The following NRCAM variants were observed in gnomAD, a reference collection of about 807,000 sequenced individuals.
NRCAM encodes the protein neuronal cell adhesion molecule.
NRCAM carries 83 observed loss-of-function variants against 156.5 expected under a neutral mutation model. The ratio of observed to expected loss-of-function variants is 0.53; its 90% CI spans 0.44 to 0.64. The LOEUF (loss-of-function observed/expected upper bound fraction) is 0.64. NRCAM is among the 30% of genes least tolerant of loss of function. The pLI is 0.00. For missense variants in NRCAM, 1,417 were observed against 1,597.3 expected (o/e 0.89, Z 1.92); for synonymous variants, 538 against 563.9 (o/e 0.95, Z 0.65).
intron 3 of NRCAM, among the ~76,000 whole-genome samples, chr7:108,275,993 C>T (rs532379790): frequency 1.8e-4 from 28 of 152,066 alleles, no homozygotes; most frequent in African/African-American, 6.3e-4. Context: ...CGTAATTTAC[C>T]CAGTAGTCAT....
chr7:108,155,654 T>C (rs546664478), intron 32 of NRCAM, among the ~76,000 whole-genome samples: 27 of 152,146 alleles, frequency 1.8e-4, no homozygotes, highest in South Asian at 8.3e-4. Flanking sequence ...CATCCATCAC[T>C]AGGCTATAAA....
chr7:108,370,751 A>G (rs2099623170), intron 2 of NRCAM, among the ~76,000 whole-genome samples: 1 of 152,168 alleles, frequency 6.6e-6, no homozygotes, highest in African/African-American at 2.4e-5. Context: ...TATACAAGTT[A>G]AAGCTTCAAG....
intron 3 of NRCAM, among the ~76,000 whole-genome samples, chr7:108,278,875 GTT>G (rs1210543164): frequency 7.9e-5 from 12 of 151,954 alleles, no homozygotes; most frequent in Non-Finnish European, 1.5e-5. Flanking sequence ...GACCAGATCT[GTT>G]CCTATTCGGC....
chr7:108,174,771 G>A (rs2059850706), intron 28 of NRCAM, among the ~76,000 whole-genome samples: 1 of 152,226 alleles, frequency 6.6e-6, no homozygotes, highest in African/African-American at 2.4e-5. Flanking sequence ...GGGTCACCTG[G>A]AAGACTCACT....
intron 17 of NRCAM, among the ~76,000 whole-genome samples, chr7:108,192,459 T>C (rs1192770349): frequency 6.6e-6 from 1 of 152,104 alleles, no homozygotes; most frequent in Non-Finnish European, 1.5e-5. Context: ...GTAATGTGCT[T>C]GAATCATCCT....
At position 108,207,630 on chromosome 7, in the gene NRCAM, T is replaced by C; in HGVS notation, c.1105A>G (p.Asn369Asp). The change falls in exon 13 of 33, where the codon AAT (asparagine) becomes GAT (aspartate). Residue 369 changes from asparagine (N) to aspartate (D), a missense_variant. Asn to Asp is a conservative substitution (Grantham distance 23, BLOSUM62 1). Coordinates refer to ENST00000379028, the MANE Select transcript of NRCAM (RefSeq NM_001037132.4). ...AAPYWITAPQ[N>D]LVLSPGEDGT... ...TCCTCTCCTGGGGACAGCACAAGAT[T>C]TTGAGGGGCTGTGATCCAGTATGGA... 1 of 1,613,544 alleles carries C rather than the reference T, an allele frequency of 6.2e-7. No homozygotes were observed. The highest frequency in any genetic ancestry group is 8.5e-7 in the Non-Finnish European group (1 of 1,179,716).
At chr7:108,183,724 A>G (rs2064957934) in intron 22 of NRCAM, among the ~76,000 whole-genome samples, 1 of 152,030 alleles carries the variant, frequency 6.6e-6, no homozygotes, top group Non-Finnish European at 1.5e-5. Flanking sequence ...TTTAGTAGAG[A>G]CGGGGTTTCA....
In NRCAM at chr7:108,415,838, C is replaced by T. The variant is rs552385722; in HGVS notation, c.-331-16245G>A. ...TGGAGGTTGCAGTGAGCTGATATCA[C>T]GCCATTGCGCTCCAGCCTGGGCAGC... On this transcript the variant is annotated intron_variant, in intron 1 of 32. Coordinates refer to ENST00000379028, the MANE Select transcript of NRCAM (RefSeq NM_001037132.4). Among the ~76,000 whole-genome samples the T allele has an allele frequency of 5.9e-5, 9 of 152,310 alleles. No homozygotes were observed. The East Asian group carries it at 1.2e-3, about 20-fold the overall frequency.
intron 1 of NRCAM, among the ~76,000 whole-genome samples, chr7:108,413,662 C>T (rs1244423427): frequency 6.6e-6 from 1 of 152,098 alleles, no homozygotes; most frequent in Non-Finnish European, 1.5e-5. Flanking sequence ...TTGTATCTCC[C>T]AATAAGTACA....
At chr7:108,235,149 T>C (rs1452599735) in intron 5 of NRCAM, among the ~76,000 whole-genome samples, 1 of 152,120 alleles carries the variant, frequency 6.6e-6, no homozygotes, top group African/African-American at 2.4e-5. Flanking sequence ...GACAAATACA[T>C]TTGAGAAGTT....
chr7:108,302,480 T>G (rs2098642175), intron 3 of NRCAM, among the ~76,000 whole-genome samples: 1 of 152,208 alleles, frequency 6.6e-6, no homozygotes, highest in African/African-American at 2.4e-5. Context: ...AACCCTGTTT[T>G]GTGAATTCCA....
intron 11 of NRCAM, among the ~76,000 whole-genome samples, chr7:108,217,240 C>T (rs547277865): frequency 1.3e-5 from 2 of 152,332 alleles, no homozygotes; most frequent in African/African-American, 4.8e-5. Context: ...TTGGGTATCA[C>T]CAGCGAAGGC....
At chr7:108,433,343 G>A (rs1435326006) in intron 1 of NRCAM, among the ~76,000 whole-genome samples, 1 of 152,092 alleles carries the variant, frequency 6.6e-6, no homozygotes, top group Admixed American at 6.5e-5. Context: ...TATAGGCTCT[G>A]GCTCTAAGAC....
At position 108,312,674 on chromosome 7, in the gene NRCAM, A is replaced by G. The variant is rs1449646733; in HGVS notation, c.-116T>C. 6.6e-6 allele frequency: 1 copy of G among 152,236 alleles called. No individual in the cohort carries two copies. Among genetic ancestry groups the G allele is most frequent in the Non-Finnish European group, 1.5e-5 (1 of 68,042 alleles). The allele number at this position is 152,236 out of a possible 1,614,324, so 9.4% of individuals were successfully genotyped here. A position where few individuals can be genotyped will look rare whatever the true frequency, so the allele number is the denominator to read the frequency against. ...GAAGACAAACTCTTACCTTTGAAGAAGCTCTTAAGTTGTTCTTCCTTTTAA... is the reference window on the plus strand; with the variant it reads ...GAAGACAAACTCTTACCTTTGAAGAGGCTCTTAAGTTGTTCTTCCTTTTAA... On this transcript the variant is annotated 5_prime_UTR_variant, in exon 3 of 33. Transcript: ENST00000379028.
chr7:108,270,383 A>C (rs1471046699), intron 3 of NRCAM, among the ~76,000 whole-genome samples: 1 of 152,314 alleles, frequency 6.6e-6, no homozygotes, highest in African/African-American at 2.4e-5. Flanking sequence ...GCTTAATAAT[A>C]ATTCATTCAT....
intron 2 of NRCAM, among the ~76,000 whole-genome samples, chr7:108,343,941 G>A (rs1440642792): frequency 4.6e-5 from 7 of 152,064 alleles, no homozygotes; most frequent in African/African-American, 7.2e-5. Context: ...ACTACACATC[G>A]TTCTTCAAAT....
At chr7:108,368,038 C>T (rs1176395134) in intron 2 of NRCAM, among the ~76,000 whole-genome samples, 1 of 152,088 alleles carries the variant, frequency 6.6e-6, no homozygotes. Context: ...TGATATAGAG[C>T]TGGATGAAAA....
chr7:108,314,331 C>T (rs752689616), intron 2 of NRCAM, among the ~76,000 whole-genome samples: 1 of 152,108 alleles, frequency 6.6e-6, no homozygotes, highest in African/African-American at 2.4e-5. Flanking sequence ...TTCATTACCC[C>T]AAAACACATT....
chr7:108,211,923 C>T (rs554198041), intron 11 of NRCAM, among the ~76,000 whole-genome samples: 22 of 152,334 alleles, frequency 1.4e-4, no homozygotes, highest in South Asian at 8.3e-4. Flanking sequence ...CTGGAAAGCA[C>T]CTGGCAGGAG....
Sources: gnomAD v4.1 joint callset for allele counts (sites outside exome capture counted in the v4.1 genomes callset) on GRCh38, gnomAD v4.1.1 for gene constraint, MANE v1.5 for transcripts, NCBI Gene and HGNC (gene_info 2026-07-23, HGNC 2026-07-21) for gene names.